DNMT3A: variants seen among roughly 807,000 people sequenced by gnomAD.
The protein encoded by DNMT3A is DNA methyltransferase 3 alpha.
A neutral mutation model predicts 117.6 loss-of-function variants in DNMT3A; 267 were observed. The observed-to-expected ratio is 2.27, with a 90% CI of 2.05 to 2.51. The LOEUF is 2.51. Ranked by LOEUF, DNMT3A falls within the 30% of genes most tolerant of loss-of-function variation. The probability of loss-of-function intolerance (pLI) is 0.00; values close to 1 mark genes in which losing one functional copy is unlikely to be tolerated. For synonymous variants in DNMT3A, 432 were observed against 474.8 expected, an observed-to-expected ratio of 0.91 and a Z score of 1.17; for missense variants, 1,029 against 1,260.2, an observed-to-expected ratio of 0.82 and a Z score of 2.78.
chr2:25,329,057 C>A (rs981506183), intron 1 of DNMT3A, among the ~76,000 whole-genome samples: 1 of 152,208 alleles, frequency 6.6e-6, no homozygotes, highest in Admixed American at 6.5e-5. Context: ...TGGAGCTCGT[C>A]CCCCACCACC....
intron 1 of DNMT3A, among the ~76,000 whole-genome samples, chr2:25,331,755 C>T (rs1007679210): frequency 6.6e-6 from 1 of 152,188 alleles, no homozygotes; most frequent in African/African-American, 2.4e-5. Flanking sequence ...CAAGGCACCC[C>T]GCCTCCAGGC....
intron 6 of DNMT3A, among the ~76,000 whole-genome samples, chr2:25,258,733 G>A (rs1676364842): frequency 6.6e-6 from 1 of 152,190 alleles, no homozygotes. Flanking sequence ...ATGAAAGAGC[G>A]GAAACTAGGA....
rs2033797362 is a variant in DNMT3A at position 25,306,660 on chromosome 2, C to T, written c.73-6417G>A. On this transcript the variant is annotated intron_variant, in intron 2 of 22. Coordinates refer to ENST00000321117, the MANE Select transcript of DNMT3A (RefSeq NM_022552.5). The surrounding 1 kb of genome is among the most constrained non-coding windows in gnomAD (Gnocchi z 4.1). ...GGGGCCTCATTGTCTTCTGGAGGTG[C>T]AGGGTGGGCCAGACCTCACACCCAC... 6.6e-6 allele frequency among the ~76,000 whole-genome samples: 1 copy of T among 152,184 alleles called. No homozygotes were observed. Among genetic ancestry groups the T allele is most frequent in the Admixed American group, 6.5e-5 (1 of 15,282 alleles).
chr2:25,247,156 C>CA lies in DNMT3A; in HGVS notation c.1016dup (p.Cys340ValfsTer3). The CA allele has an allele frequency of 6.2e-7, 1 of 1,613,872 alleles. No homozygotes were observed. The highest frequency in any genetic ancestry group is 8.5e-7 in the Non-Finnish European group (1 of 1,179,878). On this transcript the variant is annotated frameshift_variant and splice_region_variant, in exon 9 of 23. Coordinates refer to ENST00000321117, the MANE Select transcript of DNMT3A (RefSeq NM_022552.5). LOFTEE classifies it high-confidence loss of function. This position sits in a 1 kb window ranked among gnomAD's most constrained non-coding sequence, Gnocchi z 5.6. ...TCAGCGGCATCAGCTTCTCAACACA[C>CA]ACCTGGGGGGACAAGCCAGGCCTTG...
chr2:25,288,219 G>A (rs13009352), intron 3 of DNMT3A, among the ~76,000 whole-genome samples: 1 of 149,484 alleles, frequency 6.7e-6, no homozygotes. Flanking sequence ...TGGATCATGA[G>A]GTCAGCAGAT....
At chr2:25,235,888 C>T (rs539931577) in intron 21 of DNMT3A, 63 bp from the exon 22 acceptor site, 43 of 1,433,710 alleles carry the variant, frequency 3.0e-5, no homozygotes, top group Non-Finnish European at 3.6e-5. Flanking sequence ...ACTGGTCATG[C>T]GTCTACCAAA....
intron 16 of DNMT3A, among the ~76,000 whole-genome samples, chr2:25,243,475 T>C (rs1457675135): frequency 6.6e-6 from 1 of 152,194 alleles, no homozygotes; most frequent in Non-Finnish European, 1.5e-5. Flanking sequence ...AAAGGACATA[T>C]GCCAAAATAT....
rs2032879672 is a variant in DNMT3A at position 25,293,070 on chromosome 2, TA to T, written c.177+7068del. On this transcript the variant is annotated intron_variant, in intron 3 of 22. Coordinates refer to ENST00000321117, the MANE Select transcript of DNMT3A (RefSeq NM_022552.5). This position sits in a 1 kb window ranked among gnomAD's most constrained non-coding sequence, Gnocchi z 4.7. ...TAAATGCTCCCCAAGTAAGACCAGC[TA>T]TGTAAGGTGGCCTTGACAGGGGCCC... Among the ~76,000 whole-genome samples, 1 of 151,696 alleles carries T rather than the reference TA, an allele frequency of 6.6e-6. No homozygotes were observed. The highest frequency in any genetic ancestry group is 2.4e-5 in the African/African-American group (1 of 41,220).
rs767202219 is a variant in DNMT3A, at chr2:25,304,713, G to A, written c.73-4470C>T. On this transcript the variant is annotated intron_variant, in intron 2 of 22. Coordinates refer to ENST00000321117, the MANE Select transcript of DNMT3A (RefSeq NM_022552.5). The surrounding 1 kb of genome is among the most constrained non-coding windows in gnomAD (Gnocchi z 4.3). ...GCGGTCCCCAGGATTTGGCTGGATC[G>A]CCTTGGTCTCTTCTCCACACTGTGG... Among the ~76,000 whole-genome samples, 61 of 152,316 alleles carry A rather than the reference G, an allele frequency of 4.0e-4. No homozygotes were observed. Among genetic ancestry groups the A allele is most frequent in the African/African-American group, 6.5e-4 (27 of 41,564 alleles).
chr2:25,305,605 G>A lies in DNMT3A; in HGVS notation c.73-5362C>T, dbSNP rs1274607307. ...GATTATCTGACTTGCAGGGATCAGA[G>A]AGCCAGGAAAGGAGGCCTTTAGAAC... On this transcript the variant is annotated intron_variant, in intron 2 of 22. Coordinates refer to ENST00000321117, the MANE Select transcript of DNMT3A (RefSeq NM_022552.5). The surrounding 1 kb of genome is among the most constrained non-coding windows in gnomAD (Gnocchi z 4.1). Among the ~76,000 whole-genome samples, 1 of 152,196 alleles carries A rather than the reference G, an allele frequency of 6.6e-6. No individual in the cohort carries two copies. The highest frequency in any genetic ancestry group is 1.5e-5 in the Non-Finnish European group (1 of 68,040).
chr2:25,240,230 G>C, intron 19 of DNMT3A, 72 bp downstream of exon 19: 1 of 1,600,698 alleles, frequency 6.2e-7, no homozygotes, highest in Non-Finnish European at 8.5e-7. Flanking sequence ...CAATGCAGAT[G>C]AGACAGGATG....
At chr2:25,322,269 G>A (rs2034624306) in intron 1 of DNMT3A, among the ~76,000 whole-genome samples, 2 of 152,022 alleles carry the variant, frequency 1.3e-5, no homozygotes, top group African/African-American at 2.4e-5. Context: ...AAGGGCTTAC[G>A]TCCCAACTGC....
chr2:25,237,743 C>T lies in DNMT3A; in HGVS notation c.2409-738G>A, dbSNP rs1475398026. On this transcript the variant is annotated intron_variant, in intron 20 of 22. Coordinates refer to ENST00000321117, the MANE Select transcript of DNMT3A (RefSeq NM_022552.5). The surrounding 1 kb of genome is among the most constrained non-coding windows in gnomAD (Gnocchi z 5.4). The stretch of plus-strand genomic sequence containing the variant: ...TGGCACCACTGCACTCCAGCCTGGG[C>T]GACAGAGCAAGACTCTGTCTCCAAA... Among the ~76,000 whole-genome samples, 2 of 150,456 alleles carry T rather than the reference C, an allele frequency of 1.3e-5. No homozygotes were observed. Among genetic ancestry groups the T allele is most frequent in the East Asian group, 1.9e-4 (1 of 5,146 alleles).
At chr2:25,243,535 G>C (rs761407220) in intron 16 of DNMT3A, among the ~76,000 whole-genome samples, 7 of 152,150 alleles carry the variant, frequency 4.6e-5, no homozygotes, top group Non-Finnish European at 7.3e-5. Flanking sequence ...AGACTATCTT[G>C]TGTATAATCA....
At chr2:25,287,030 G>A (rs867638474) in intron 3 of DNMT3A, among the ~76,000 whole-genome samples, 4 of 152,242 alleles carry the variant, frequency 2.6e-5, no homozygotes, top group South Asian at 2.1e-4. Flanking sequence ...CAATTGATTC[G>A]TGAATGGCAA....
chr2:25,318,224 T>C (rs900903130), intron 1 of DNMT3A, among the ~76,000 whole-genome samples: 38 of 152,234 alleles, frequency 2.5e-4, no homozygotes, highest in Non-Finnish European at 2.9e-5. Flanking sequence ...GGTCAGCCTA[T>C]GTAGACTTGA....
chr2:25,300,750 TATA>T (rs1558723027), intron 2 of DNMT3A, among the ~76,000 whole-genome samples: 25 of 64,404 alleles, frequency 3.9e-4, no homozygotes, highest in African/African-American at 1.6e-3. Flanking sequence ...TATATATATA[TATA>T]TATATATATA....
chr2:25,277,056 G>A lies in DNMT3A; in HGVS notation c.449-1513C>T, dbSNP rs1414604263. On this transcript the variant is annotated intron_variant, in intron 4 of 22. Transcript: ENST00000321117. ...TAGCTAGGCCCGGGAGCACCAGGGGGAGGGAGGCAGGAGGGCCACCGTGGG... is the reference window on the plus strand; with the variant it reads ...TAGCTAGGCCCGGGAGCACCAGGGGAAGGGAGGCAGGAGGGCCACCGTGGG... Among the ~76,000 whole-genome samples, 3 of 152,280 alleles carry A rather than the reference G, an allele frequency of 2.0e-5. No individual in the cohort carries two copies. The East Asian group carries it at 5.8e-4, about 30-fold the overall frequency.
rs574458051 is a variant in DNMT3A, at chr2:25,337,769, T to C, written c.-178+4057A>G. ...ACTTCATGGATCTCAGATTTGGTCA[T>C]GTTCTTAGGGAAAAATCGTCAGAGA... is the stretch of plus-strand genomic sequence containing the variant. On this transcript the variant is annotated intron_variant, in intron 1 of 22. Transcript: ENST00000321117. The surrounding 1 kb of genome is among the most constrained non-coding windows in gnomAD (Gnocchi z 5.0). Among the ~76,000 whole-genome samples the C allele has an allele frequency of 5.3e-5, 8 of 152,276 alleles. No individual in the cohort carries two copies. The East Asian group carries it at 9.6e-4, about 18-fold the overall frequency.
Sources: allele counts gnomAD v4.1 joint callset (sites outside exome capture counted in the v4.1 genomes callset), GRCh38; gene constraint gnomAD v4.1.1; non-coding constraint Gnocchi (gnomAD v3.1); transcripts MANE v1.5; gene names NCBI Gene and HGNC (gene_info 2026-07-23, HGNC 2026-07-21).